PIP4K2A: variants seen among roughly 807,000 people sequenced by gnomAD.
PIP4K2A encodes phosphatidylinositol 5-phosphate 4-kinase type-2 alpha.
In PIP4K2A, 14 loss-of-function variants were observed where a neutral mutation model predicts 42.9. The ratio of observed to expected loss-of-function variants is 0.33; its 90% CI spans 0.22 to 0.51. PIP4K2A has a LOEUF of 0.51. Ranked by LOEUF, PIP4K2A falls within the 20% of genes least tolerant of loss-of-function variation. The probability of loss-of-function intolerance (pLI) is 0.97; values close to 1 mark genes in which losing one functional copy is unlikely to be tolerated. For missense variants in PIP4K2A, 434 were observed against 519.8 expected, an observed-to-expected ratio of 0.83 and a Z score of 1.61; for synonymous variants, 192 against 192.2, an observed-to-expected ratio of 1.00 and a Z score of 0.01.
intron 3 of PIP4K2A, among the ~76,000 whole-genome samples, chr10:22,599,420 T>C (rs1365019610): frequency 1.3e-5 from 2 of 152,208 alleles, no homozygotes; most frequent in Non-Finnish European, 1.5e-5. Context: ...ACACAGGTGT[T>C]TGTGACTGGC....
intron 1 of PIP4K2A, among the ~76,000 whole-genome samples, chr10:22,619,268 T>C (rs369395339): frequency 7.2e-5 from 11 of 152,074 alleles, no homozygotes; most frequent in African/African-American, 2.4e-4. Context: ...AAATAGCAAT[T>C]TGAAAGTTCT....
chr10:22,708,712 C>T (rs1404152696), intron 1 of PIP4K2A, among the ~76,000 whole-genome samples: 3 of 152,242 alleles, frequency 2.0e-5, no homozygotes, highest in South Asian at 2.1e-4. Context: ...CAGTACCACC[C>T]GAGAGTATGA....
intron 1 of PIP4K2A, among the ~76,000 whole-genome samples, chr10:22,668,575 G>A (rs1465320194): frequency 2.0e-5 from 3 of 152,152 alleles, no homozygotes; most frequent in Non-Finnish European, 2.9e-5. Flanking sequence ...AAAGCTCTAA[G>A]CTCATTATTT....
intron 6 of PIP4K2A, among the ~76,000 whole-genome samples, chr10:22,551,261 A>G (rs1054483300): frequency 7.2e-5 from 11 of 152,108 alleles, no homozygotes; most frequent in African/African-American, 2.7e-4. Flanking sequence ...ATCCATAATC[A>G]TATCTACTTT....
At position 22,664,088 on chromosome 10, in the gene PIP4K2A, TAC is replaced by T. The variant is rs1459541372; in HGVS notation, c.144+50093_144+50094del. On this transcript the variant is annotated intron_variant, in intron 1 of 9. Transcript: ENST00000376573. ...ATATATATATATACGTATATATATATACATATATATATATACATATATATATA... is the reference window on the plus strand; with the variant it reads ...ATATATATATATACGTATATATATATATATATATATATACATATATATATA... 7.8e-4 allele frequency among the ~76,000 whole-genome samples: 57 copies of T among 72,882 alleles called. 1 individual carries two copies. Among genetic ancestry groups the T allele is most frequent in the African/African-American group, 5.4e-3 (49 of 9,000 alleles). 47.8% of individuals were successfully genotyped at this position (72,882 alleles called of 152,430 possible). A position where few individuals can be genotyped will look rare whatever the true frequency, so the allele number is the denominator to read the frequency against.
intron 1 of PIP4K2A, among the ~76,000 whole-genome samples, chr10:22,619,080 G>A (rs548837174): frequency 2.6e-5 from 4 of 151,860 alleles, no homozygotes; most frequent in East Asian, 1.9e-4. Context: ...TGTACTGGGG[G>A]AAAAAATCAC....
Position 22,664,058 on chromosome 10 carries a change from T to C in PIP4K2A, c.144+50125A>G, listed in dbSNP as rs1408623312. Among the ~76,000 whole-genome samples, 10 of 83,812 alleles carry C rather than the reference T, an allele frequency of 1.2e-4. 2 individuals carry two copies. The highest frequency in any genetic ancestry group is 8.6e-4 in the African/African-American group (9 of 10,460). The allele number at this position is 83,812 out of a possible 152,430, so 55.0% of individuals were successfully genotyped here. A position where few individuals can be genotyped will look rare whatever the true frequency, so the allele number is the denominator to read the frequency against. On this transcript the variant is annotated intron_variant, in intron 1 of 9. Transcript: ENST00000376573. Reference sequence around the variant, plus strand: ...ATATATATATATATACATATGTATATATACATATATATATATACGTATATA... The same window carrying C: ...ATATATATATATATACATATGTATACATACATATATATATATACGTATATA...
intron 9 of PIP4K2A, chr10:22,539,748 G>T: frequency 1.9e-6 from 1 of 536,714 alleles, no homozygotes; most frequent in Non-Finnish European, 3.3e-6. Flanking sequence ...AAGCGTTTGT[G>T]GGTTCTGTAT....
At chr10:22,553,473 T>A (rs182553906) in intron 6 of PIP4K2A, among the ~76,000 whole-genome samples, 1 of 152,242 alleles carries the variant, frequency 6.6e-6, no homozygotes, top group Non-Finnish European at 1.5e-5. Context: ...TAGCACTTTG[T>A]GTGCGTCATT....
chr10:22,700,602 C>G (rs1424798154), intron 1 of PIP4K2A, among the ~76,000 whole-genome samples: 33 of 152,158 alleles, frequency 2.2e-4, no homozygotes, highest in Admixed American at 2.0e-3. Flanking sequence ...GCCTGTCTCC[C>G]GCTAATGCAG....
intron 1 of PIP4K2A, among the ~76,000 whole-genome samples, chr10:22,610,924 C>T (rs931083186): frequency 6.6e-6 from 1 of 152,080 alleles, no homozygotes; most frequent in Non-Finnish European, 1.5e-5. Context: ...AACATGAGCT[C>T]ACAGAGACAG....
At chr10:22,588,669 A>G (rs1362771578) in intron 4 of PIP4K2A, among the ~76,000 whole-genome samples, 1 of 152,268 alleles carries the variant, frequency 6.6e-6, no homozygotes, top group Admixed American at 6.5e-5. Context: ...CAGGTGCAGA[A>G]GCTGAGTTCA....
chr10:22,659,973 C>A (rs1264750202), intron 1 of PIP4K2A, among the ~76,000 whole-genome samples: 1 of 152,150 alleles, frequency 6.6e-6, no homozygotes, highest in African/African-American at 2.4e-5. Flanking sequence ...ACTTGTCTTG[C>A]GAAGCAGAGC....
chr10:22,682,569 T>C (rs548726479), intron 1 of PIP4K2A, among the ~76,000 whole-genome samples: 49 of 151,752 alleles, frequency 3.2e-4, no homozygotes, highest in Admixed American at 6.6e-4. Flanking sequence ...CACTTGAGAG[T>C]TTAGCTAACA....
At chr10:22,711,459 T>C (rs1197334223) in intron 1 of PIP4K2A, among the ~76,000 whole-genome samples, 2 of 152,272 alleles carry the variant, frequency 1.3e-5, no homozygotes, top group Admixed American at 6.5e-5. Flanking sequence ...AACTTTTATA[T>C]AGTATTCTAC....
At chr10:22,633,547 T>G (rs1156937685) in intron 1 of PIP4K2A, among the ~76,000 whole-genome samples, 1 of 152,000 alleles carries the variant, frequency 6.6e-6, no homozygotes, top group Non-Finnish European at 1.5e-5. Flanking sequence ...AGGCTGGAAC[T>G]TTGGGGTGCT....
At position 22,536,305 on chromosome 10, in the gene PIP4K2A, A is replaced by C; in HGVS notation, c.*896T>G. ...ACTATGCACTTTTCAGGTAAGCTTT[A>C]CTTTTATTTTGTAGCATTAATTCCT... is the stretch of plus-strand genomic sequence containing the variant. On this transcript the variant is annotated 3_prime_UTR_variant, in exon 10 of 10. Transcript: ENST00000376573. 1 of 394,004 alleles carries C rather than the reference A, an allele frequency of 2.5e-6. No homozygotes were observed. Among genetic ancestry groups the C allele is most frequent in the Non-Finnish European group, 4.5e-6 (1 of 223,578 alleles). 24.4% of individuals were successfully genotyped at this position (394,004 alleles called of 1,614,324 possible).
intron 1 of PIP4K2A, among the ~76,000 whole-genome samples, chr10:22,713,445 G>A (rs550982141): frequency 2.0e-5 from 3 of 152,040 alleles, no homozygotes. Flanking sequence ...TCCCCAAAGT[G>A]GGGGGAGGCG....
At chr10:22,629,007 C>A (rs530069493) in intron 1 of PIP4K2A, among the ~76,000 whole-genome samples, 1 of 152,078 alleles carries the variant, frequency 6.6e-6, no homozygotes, top group South Asian at 2.1e-4. Flanking sequence ...AGGAGGGGTC[C>A]GTTCAGATGG....
Sources: allele counts gnomAD v4.1 joint callset (sites outside exome capture counted in the v4.1 genomes callset), GRCh38; gene constraint gnomAD v4.1.1; transcripts MANE v1.5; gene names NCBI Gene and HGNC (gene_info 2026-07-23, HGNC 2026-07-21).